The following TMTC2 variants were observed in gnomAD, a reference collection of about 807,000 sequenced individuals.
TMTC2 encodes the protein transmembrane O-mannosyltransferase targeting cadherins 2, also known as protein O-mannosyl-transferase TMTC2.
A neutral mutation model predicts 82.4 loss-of-function variants in TMTC2; 43 were observed. That is an observed-to-expected ratio of 0.52 (90% CI 0.41 to 0.67). TMTC2 has a LOEUF of 0.67. Among genes scored for constraint, TMTC2 ranks in the 30% least tolerant of loss-of-function variants. TMTC2 has a pLI of 0.00. For synonymous variants in TMTC2, 408 were observed against 381.9 expected (o/e 1.07, Z -0.80); for missense variants, 919 against 1,012.4 (o/e 0.91, Z 1.25).
chr12:82,977,927 A>G (rs1401997201), intron 7 of TMTC2, among the ~76,000 whole-genome samples: 1 of 151,726 alleles, frequency 6.6e-6, no homozygotes, highest in Non-Finnish European at 1.5e-5. Context: ...AAAATAACAA[A>G]ACACTGGAAG....
intron 1 of TMTC2, among the ~76,000 whole-genome samples, chr12:82,723,949 G>T (rs960886615): frequency 6.6e-6 from 1 of 152,110 alleles, no homozygotes; most frequent in African/African-American, 2.4e-5. Context: ...GCCCCATTTT[G>T]TCATTTATCC....
chr12:82,748,829 A>T (rs946585641), intron 1 of TMTC2, among the ~76,000 whole-genome samples: 5 of 152,220 alleles, frequency 3.3e-5, no homozygotes, highest in African/African-American at 9.7e-5. Context: ...GTGAGCCAAG[A>T]TCGTGCCATT....
intron 1 of TMTC2, among the ~76,000 whole-genome samples, chr12:82,758,053 T>C (rs1388882880): frequency 6.6e-6 from 1 of 152,198 alleles, no homozygotes; most frequent in Non-Finnish European, 1.5e-5. Flanking sequence ...ATTTGTGTGG[T>C]CCTGTTATCA....
At chr12:82,819,392 A>G (rs1349462342) in intron 1 of TMTC2, among the ~76,000 whole-genome samples, 1 of 151,958 alleles carries the variant, frequency 6.6e-6, no homozygotes, top group Admixed American at 6.6e-5. Context: ...TTTCTCTGGC[A>G]TACTTATAGA....
chr12:82,943,243 A>G (rs1368928725), intron 4 of TMTC2, among the ~76,000 whole-genome samples: 1 of 152,208 alleles, frequency 6.6e-6, no homozygotes, highest in African/African-American at 2.4e-5. Context: ...GAAAACATTT[A>G]ATTTGTAACA....
intron 1 of TMTC2, among the ~76,000 whole-genome samples, chr12:82,737,386 G>T (rs1358479703): frequency 6.6e-6 from 1 of 151,986 alleles, no homozygotes; most frequent in African/African-American, 2.4e-5. Flanking sequence ...AAATTGTTAC[G>T]TGCAGCACTG....
At chr12:82,708,599 C>T (rs1257870464) in intron 1 of TMTC2, among the ~76,000 whole-genome samples, 1 of 152,186 alleles carries the variant, frequency 6.6e-6, no homozygotes. Flanking sequence ...GTGTGCTGGT[C>T]CCATCAGCCC....
intron 7 of TMTC2, among the ~76,000 whole-genome samples, chr12:82,977,731 C>G (rs1194831297): frequency 6.6e-6 from 1 of 151,638 alleles, no homozygotes; most frequent in African/African-American, 2.4e-5. Flanking sequence ...AATTCTCCTT[C>G]TATACATTTA....
chr12:83,070,215 C>T (rs971036969), intron 11 of TMTC2, among the ~76,000 whole-genome samples: 1 of 151,988 alleles, frequency 6.6e-6, no homozygotes, highest in African/African-American at 2.4e-5. Flanking sequence ...ATTTCTAATT[C>T]TGTGAAGAAG....
At chr12:82,982,233 C>A (rs1194424633) in intron 7 of TMTC2, among the ~76,000 whole-genome samples, 1 of 151,714 alleles carries the variant, frequency 6.6e-6, no homozygotes, top group African/African-American at 2.4e-5. Flanking sequence ...TATTAACTGT[C>A]CTTGTGCAAG....
intron 1 of TMTC2, among the ~76,000 whole-genome samples, chr12:82,780,343 T>A (rs1247497742): frequency 6.6e-6 from 1 of 152,112 alleles, no homozygotes; most frequent in Non-Finnish European, 1.5e-5. Context: ...TACTTTATTT[T>A]TTTCCCTTTT....
At chr12:82,982,799 T>C (rs1048613185) in intron 7 of TMTC2, among the ~76,000 whole-genome samples, 1 of 151,988 alleles carries the variant, frequency 6.6e-6, no homozygotes, top group African/African-American at 2.4e-5. Context: ...TATTTTCTAT[T>C]AGCTAGTGAA....
chr12:83,121,999 C>T (rs1358634583), intron 11 of TMTC2, among the ~76,000 whole-genome samples: 1 of 152,100 alleles, frequency 6.6e-6, no homozygotes, highest in East Asian at 1.9e-4. Flanking sequence ...TGACTCCCAC[C>T]ATGCCCCCAC....
chr12:83,111,468 A>G (rs1884596658), intron 11 of TMTC2, among the ~76,000 whole-genome samples: 1 of 152,146 alleles, frequency 6.6e-6, no homozygotes, highest in African/African-American at 2.4e-5. Context: ...TGCAATTTTC[A>G]TGTGTTATGA....
chr12:82,743,322 T>G (rs969421930), intron 1 of TMTC2, among the ~76,000 whole-genome samples: 1 of 151,738 alleles, frequency 6.6e-6, no homozygotes, highest in African/African-American at 2.4e-5. Flanking sequence ...GTTCCTGTAA[T>G]CATAGCTACT....
chr12:82,710,586 A>G (rs539846632), intron 1 of TMTC2, among the ~76,000 whole-genome samples: 1 of 152,358 alleles, frequency 6.6e-6, no homozygotes, highest in South Asian at 2.1e-4. Flanking sequence ...AACATGATAC[A>G]TGAGTAATGA....
intron 2 of TMTC2, among the ~76,000 whole-genome samples, chr12:82,866,648 A>G (rs955260596): frequency 1.3e-5 from 2 of 152,190 alleles, no homozygotes; most frequent in African/African-American, 4.8e-5. Context: ...GATCCGATGG[A>G]TATCAGGTTA....
intron 7 of TMTC2, among the ~76,000 whole-genome samples, chr12:82,970,476 C>T (rs541212078): frequency 2.0e-5 from 3 of 149,434 alleles, no homozygotes; most frequent in South Asian, 2.1e-4. Context: ...GGACTACAGG[C>T]GCCCGCCACC....
chr12:82,835,993 T>C (rs1416707342), intron 1 of TMTC2, among the ~76,000 whole-genome samples: 2 of 152,250 alleles, frequency 1.3e-5, no homozygotes, highest in Non-Finnish European at 2.9e-5. Flanking sequence ...TAACATTATA[T>C]GAGTAAAATA....
Sources: allele counts gnomAD v4.1 joint callset (sites outside exome capture counted in the v4.1 genomes callset), GRCh38; gene constraint gnomAD v4.1.1; transcripts MANE v1.5; gene names NCBI Gene and HGNC (gene_info 2026-07-23, HGNC 2026-07-21).